CTIF: variants seen among roughly 807,000 people sequenced by gnomAD.
The protein encoded by CTIF is cap binding complex dependent translation initiation factor, also known as CBP80/20-dependent translation initiation factor.
CTIF carries 21 observed loss-of-function variants against 66.0 expected under a neutral mutation model. That is an observed-to-expected ratio of 0.32 (90% CI 0.23 to 0.46). The LOEUF is 0.46. Ranked by LOEUF, CTIF falls within the 20% of genes least tolerant of loss-of-function variation. The probability of loss-of-function intolerance (pLI) is 1.00; values close to 1 mark genes in which losing one functional copy is unlikely to be tolerated. For missense variants in CTIF, 739 were observed against 812.7 expected, an observed-to-expected ratio of 0.91 and a Z score of 1.10; for synonymous variants, 345 against 326.4, an observed-to-expected ratio of 1.06 and a Z score of -0.62.
chr18:48,769,458 C>G (rs921415305), intron 9 of CTIF, among the ~76,000 whole-genome samples: 1 of 152,264 alleles, frequency 6.6e-6, no homozygotes, highest in Non-Finnish European at 1.5e-5. Context: ...CGCCCTGCCC[C>G]CTGTGGGCCA....
At chr18:48,722,099 G>A (rs552552527) in intron 7 of CTIF, among the ~76,000 whole-genome samples, 37 of 152,138 alleles carry the variant, frequency 2.4e-4, no homozygotes, top group African/African-American at 8.7e-4. Context: ...GCCCTGTCCA[G>A]AAGGTTCTAG....
At chr18:48,703,454 T>G (rs1401872961) in intron 6 of CTIF, among the ~76,000 whole-genome samples, 1 of 152,136 alleles carries the variant, frequency 6.6e-6, no homozygotes, top group African/African-American at 2.4e-5. Context: ...AAGCATTTAG[T>G]GTAGTTGTTT....
At chr18:48,594,161 G>A (rs916709400) in intron 1 of CTIF, among the ~76,000 whole-genome samples, 2 of 151,386 alleles carry the variant, frequency 1.3e-5, no homozygotes, top group African/African-American at 2.4e-5. Context: ...ACCCTTTTCC[G>A]GCGGGTCCTG....
intron 3 of CTIF, among the ~76,000 whole-genome samples, chr18:48,639,060 C>T (rs1046470340): frequency 6.6e-6 from 1 of 152,200 alleles, no homozygotes; most frequent in Non-Finnish European, 1.5e-5. Flanking sequence ...CTGAGGGACA[C>T]CCCCTGCCAC....
chr18:48,663,376 C>T (rs954885797), intron 3 of CTIF, among the ~76,000 whole-genome samples: 5 of 152,218 alleles, frequency 3.3e-5, no homozygotes, highest in Non-Finnish European at 5.9e-5. Context: ...TCCATGGGCT[C>T]CCCAGTGGGC....
chr18:48,839,638 A>T (rs2068892837), intron 10 of CTIF, among the ~76,000 whole-genome samples: 1 of 152,200 alleles, frequency 6.6e-6, no homozygotes, highest in African/African-American at 2.4e-5. Context: ...CAGGATTAGA[A>T]TCCAGGCAGT....
intron 2 of CTIF, among the ~76,000 whole-genome samples, chr18:48,623,036 G>A (rs1423296645): frequency 6.6e-6 from 1 of 152,252 alleles, no homozygotes; most frequent in African/African-American, 2.4e-5. Flanking sequence ...AGTTTTGAAA[G>A]GAGGTGCCCT....
chr18:48,765,911 CT>C (rs5824766), intron 9 of CTIF, among the ~76,000 whole-genome samples: 48 of 143,744 alleles, frequency 3.3e-4, no homozygotes, highest in Non-Finnish European at 3.4e-4. Flanking sequence ...ACAGACATTT[CT>C]TTTTTTTTTT....
At chr18:48,598,807 T>C (rs1294418174) in intron 1 of CTIF, among the ~76,000 whole-genome samples, 1 of 152,232 alleles carries the variant, frequency 6.6e-6, no homozygotes, top group African/African-American at 2.4e-5. Flanking sequence ...AAGTACTTTA[T>C]GGGGACTATC....
intron 2 of CTIF, among the ~76,000 whole-genome samples, chr18:48,631,185 C>T (rs1433382802): frequency 5.3e-5 from 8 of 152,194 alleles, no homozygotes; most frequent in Non-Finnish European, 1.5e-5. Flanking sequence ...AAAACACTGG[C>T]CGGGTGTGGT....
intron 3 of CTIF, among the ~76,000 whole-genome samples, chr18:48,639,489 G>A (rs1162876693): frequency 1.3e-5 from 2 of 152,130 alleles, no homozygotes; most frequent in Non-Finnish European, 2.9e-5. Flanking sequence ...AGGTGAGGGG[G>A]AGTTGCACCT....
intron 3 of CTIF, among the ~76,000 whole-genome samples, chr18:48,654,135 C>A (rs76483376): frequency 3.3e-5 from 5 of 152,230 alleles, no homozygotes; most frequent in African/African-American, 9.6e-5. Flanking sequence ...TGGGATCTAA[C>A]TAAACTAAAG....
At chr18:48,757,304 C>T (rs766326353) in intron 7 of CTIF, among the ~76,000 whole-genome samples, 8 of 151,290 alleles carry the variant, frequency 5.3e-5, no homozygotes, top group South Asian at 2.1e-4. Context: ...TGAAGTTTTG[C>T]GGGGTGGATG....
chr18:48,823,223 A>C (rs1291669165), intron 10 of CTIF, among the ~76,000 whole-genome samples: 1 of 145,688 alleles, frequency 6.9e-6, no homozygotes, highest in Non-Finnish European at 1.5e-5. Flanking sequence ...AGTCATATCC[A>C]AAAAAAAAAA....
At chr18:48,613,511 C>A (rs574515906) in intron 1 of CTIF, among the ~76,000 whole-genome samples, 1 of 152,128 alleles carries the variant, frequency 6.6e-6, no homozygotes, top group Admixed American at 6.5e-5. Context: ...GGGGAGGGGA[C>A]GCTAGTGTGG....
At chr18:48,743,485 A>G (rs898463697) in intron 7 of CTIF, among the ~76,000 whole-genome samples, 1 of 152,248 alleles carries the variant, frequency 6.6e-6, no homozygotes, top group Non-Finnish European at 1.5e-5. Context: ...TTATATAGTC[A>G]AACTTTAGCC....
At chr18:48,624,969 GA>G (rs1184848628) in intron 2 of CTIF, among the ~76,000 whole-genome samples, 1 of 152,204 alleles carries the variant, frequency 6.6e-6, no homozygotes, top group Non-Finnish European at 1.5e-5. Flanking sequence ...AAAATGCAGT[GA>G]TCTTTACAAA....
At chr18:48,619,149 T>G (rs1346086467) in intron 1 of CTIF, among the ~76,000 whole-genome samples, 1 of 152,226 alleles carries the variant, frequency 6.6e-6, no homozygotes, top group Non-Finnish European at 1.5e-5. Context: ...TTCTGTTGTT[T>G]ATTTCATCCT....
At chr18:48,719,079 A>G (rs1002470030) in intron 7 of CTIF, among the ~76,000 whole-genome samples, 1 of 152,308 alleles carries the variant, frequency 6.6e-6, no homozygotes, top group Non-Finnish European at 1.5e-5. Flanking sequence ...CAGTAGCCTC[A>G]TGTGTCCCTC....
Sources: gnomAD v4.1 joint callset for allele counts (sites outside exome capture counted in the v4.1 genomes callset) on GRCh38, gnomAD v4.1.1 for gene constraint, MANE v1.5 for transcripts, NCBI Gene and HGNC (gene_info 2026-07-23, HGNC 2026-07-21) for gene names.